Variants in SORCS2 observed in about 807,000 individuals in gnomAD.
SORCS2 encodes VPS10 domain-containing receptor SorCS2.
Under a neutral mutation model 141.6 loss-of-function variants are expected in SORCS2, and 100 were observed. The ratio of observed to expected loss-of-function variants is 0.71; its 90% CI spans 0.60 to 0.83. The LOEUF (loss-of-function observed/expected upper bound fraction) is 0.83, where lower values mean the gene tolerates loss of function less well. SORCS2 is among the 40% of genes least tolerant of loss of function. The pLI is 0.00. For missense variants in SORCS2, 1,646 were observed against 1,560.2 expected (o/e 1.05, Z -0.93); for synonymous variants, 789 against 676.9 (o/e 1.17, Z -2.57).
Position 7,697,181 on chromosome 4 carries a change from C to T in SORCS2, c.1592-17C>T. 1 of 1,566,922 alleles carries T rather than the reference C, an allele frequency of 6.4e-7. No individual in the cohort carries two copies. Among genetic ancestry groups the T allele is most frequent in the Non-Finnish European group, 8.7e-7 (1 of 1,155,396 alleles). On this transcript the variant is annotated splice_polypyrimidine_tract_variant and intron_variant, in intron 11 of 26. Coordinates refer to ENST00000507866, the MANE Select transcript of SORCS2 (RefSeq NM_020777.3). Reference sequence around the variant, plus strand: ...GACGATCCTAAGGGTAGTACTGCCCCTTTTCTTTTGGACCAGGTAACCTGG... The same window carrying T: ...GACGATCCTAAGGGTAGTACTGCCCTTTTTCTTTTGGACCAGGTAACCTGG...
intron 12 of SORCS2, among the ~76,000 whole-genome samples, chr4:7,699,991 C>T (rs966022048): frequency 1.3e-5 from 2 of 152,206 alleles, no homozygotes; most frequent in African/African-American, 4.8e-5. Context: ...CCAATCAAGC[C>T]TTAGGTGTCA....
chr4:7,489,496 T>C (rs1230649276), intron 2 of SORCS2, among the ~76,000 whole-genome samples: 2 of 152,122 alleles, frequency 1.3e-5, no homozygotes, highest in East Asian at 3.9e-4. Flanking sequence ...TCAAGATGTC[T>C]CTCGGTGGTA....
intron 1 of SORCS2, among the ~76,000 whole-genome samples, chr4:7,352,760 A>G (rs576997965): frequency 6.4e-4 from 98 of 152,338 alleles, no homozygotes; most frequent in African/African-American, 2.3e-3. Flanking sequence ...GAAGCTGTCA[A>G]CAGGGAGGGA....
At position 7,703,384 on chromosome 4, in the gene SORCS2, G is replaced by A. The variant is rs1481691324; in HGVS notation, c.1760+13G>A. On this transcript the variant is annotated intron_variant, in intron 13 of 26. Transcript: ENST00000507866. ...TGAAGATCCTCAAGTAATGGCGTCT[G>A]CTAGCCCCGGGGCAGGGAGGGCAGG... is the stretch of plus-strand genomic sequence containing the variant. 1 of 1,608,238 alleles carries A rather than the reference G, an allele frequency of 6.2e-7. No individual in the cohort carries two copies. Among genetic ancestry groups the A allele is most frequent in the South Asian group, 1.1e-5 (1 of 89,850 alleles).
At chr4:7,667,622 C>T (rs573767126) in intron 8 of SORCS2, among the ~76,000 whole-genome samples, 1 of 152,332 alleles carries the variant, frequency 6.6e-6, no homozygotes, top group Non-Finnish European at 1.5e-5. Flanking sequence ...CCATCTCCTG[C>T]TCTCCTCTGA....
chr4:7,732,615 C>G (rs1348869820), intron 23 of SORCS2, among the ~76,000 whole-genome samples: 1 of 152,144 alleles, frequency 6.6e-6, no homozygotes, highest in Non-Finnish European at 1.5e-5. Flanking sequence ...TTCTCCTGTC[C>G]TGCCCTGTCT....
chr4:7,724,203 TGGTACTAATGATGATTATAGTGGA>T (rs1480214631), intron 19 of SORCS2, among the ~76,000 whole-genome samples: 1 of 149,098 alleles, frequency 6.7e-6, no homozygotes, highest in Non-Finnish European at 1.5e-5. Context: ...GTGGTGGTGA[TGGTACTAATGATGATTATAGTGGA>T]GGTGGTAGTG....
chr4:7,333,204 G>A (rs780628181), intron 1 of SORCS2, among the ~76,000 whole-genome samples: 3 of 152,168 alleles, frequency 2.0e-5, no homozygotes, highest in South Asian at 4.1e-4. Context: ...GCTGAGTTTC[G>A]GAGGAGCAGC....
chr4:7,717,387 A>G (rs960831438), intron 17 of SORCS2, among the ~76,000 whole-genome samples: 2 of 152,044 alleles, frequency 1.3e-5, no homozygotes, highest in Non-Finnish European at 2.9e-5. Context: ...CTGCCTCTCC[A>G]CTAGAGGGTC....
At chr4:7,564,822 G>T (rs871938) in intron 3 of SORCS2, among the ~76,000 whole-genome samples, 86,350 of 152,154 alleles carry the variant, frequency 0.57, 27,366 homozygotes, top group East Asian at 0.89. Flanking sequence ...AAGAAAAGAA[G>T]CAAATGGTCC....
chr4:7,301,848 G>T lies in SORCS2; in HGVS notation c.481-94440G>T, dbSNP rs547802661. ...CTGGAAGGACGGGGTTAACACTAAG[G>T]TTCCGTTCTCCTGCAGGGCTCTTTC... is the stretch of plus-strand genomic sequence containing the variant. On this transcript the variant is annotated intron_variant, in intron 1 of 26. Coordinates refer to ENST00000507866, the MANE Select transcript of SORCS2 (RefSeq NM_020777.3). Among the ~76,000 whole-genome samples the T allele has an allele frequency of 3.5e-4, 54 of 152,350 alleles. No homozygotes were observed. The South Asian group carries it at 9.5e-3, about 27-fold the overall frequency.
At chr4:7,611,224 G>C (rs901459639) in intron 3 of SORCS2, among the ~76,000 whole-genome samples, 1 of 152,222 alleles carries the variant, frequency 6.6e-6, no homozygotes, top group Non-Finnish European at 1.5e-5. Context: ...CCTTGCAGGT[G>C]GAGCTGGGGC....
intron 3 of SORCS2, among the ~76,000 whole-genome samples, chr4:7,534,447 G>A (rs1017315127): frequency 6.6e-6 from 1 of 152,238 alleles, no homozygotes; most frequent in Non-Finnish European, 1.5e-5. Context: ...ACTGTCAGCT[G>A]AAGAGAAGCC....
intron 1 of SORCS2, among the ~76,000 whole-genome samples, chr4:7,280,203 C>T (rs1337355893): frequency 3.9e-5 from 6 of 152,070 alleles, no homozygotes; most frequent in African/African-American, 1.5e-4. Flanking sequence ...AACTTCATCC[C>T]GGGTACCCAC....
In SORCS2 at chr4:7,361,382, C is replaced by T. The variant is rs564775224; in HGVS notation, c.481-34906C>T. Among the ~76,000 whole-genome samples, 6 of 152,294 alleles carry T rather than the reference C, an allele frequency of 3.9e-5. No individual in the cohort carries two copies. The South Asian group carries it at 6.2e-4, about 16-fold the overall frequency. On this transcript the variant is annotated intron_variant, in intron 1 of 26. Transcript: ENST00000507866. ...GCAGCGAGATCTGATTTGGTGACAG[C>T]GCACTCCTTGGGAAGTGAACGCCTA...
At chr4:7,219,762 A>G (rs1452293476) in intron 1 of SORCS2, among the ~76,000 whole-genome samples, 1 of 152,126 alleles carries the variant, frequency 6.6e-6, no homozygotes. Flanking sequence ...TCAAGATGAG[A>G]TTTGGGTGGG....
chr4:7,307,954 AGT>A (rs1277992789), intron 1 of SORCS2, among the ~76,000 whole-genome samples: 3 of 151,940 alleles, frequency 2.0e-5, no homozygotes, highest in Admixed American at 6.6e-5. Context: ...ATGTGTACAC[AGT>A]GTGTGTCTGA....
Position 7,609,384 on chromosome 4 carries a change from G to A in SORCS2, c.649-28944G>A, listed in dbSNP as rs546597433. ...CGTGCTTACCTGGAGGCACTGCCCT[G>A]TGGATCAATGTGGCAGTCAAGGCGC... On this transcript the variant is annotated intron_variant, in intron 3 of 26. Coordinates refer to ENST00000507866, the MANE Select transcript of SORCS2 (RefSeq NM_020777.3). Among the ~76,000 whole-genome samples the A allele has an allele frequency of 2.0e-5, 3 of 152,266 alleles. No homozygotes were observed. The South Asian group carries it at 6.2e-4, about 32-fold the overall frequency.
At chr4:7,543,995 C>T (rs1389394555) in intron 3 of SORCS2, among the ~76,000 whole-genome samples, 6 of 85,000 alleles carry the variant, frequency 7.1e-5, no homozygotes, top group African/African-American at 1.7e-4. Flanking sequence ...CATCCATCCA[C>T]TCATCCATCC....
Sources: allele counts gnomAD v4.1 joint callset (sites outside exome capture counted in the v4.1 genomes callset), GRCh38; gene constraint gnomAD v4.1.1; transcripts MANE v1.5; gene names NCBI Gene and HGNC (gene_info 2026-07-23, HGNC 2026-07-21).